Variants in OPCML observed in about 807,000 individuals in gnomAD.
OPCML encodes opioid binding protein/cell adhesion molecule like, also known as opioid-binding protein/cell adhesion molecule.
Under a neutral mutation model 37.8 loss-of-function variants are expected in OPCML, and 13 were observed. That is an observed-to-expected ratio of 0.34 (90% confidence interval 0.22 to 0.55). The LOEUF is 0.55. OPCML is among the 20% of genes least tolerant of loss of function. The pLI is 0.91. For synonymous variants in OPCML, 176 were observed against 168.8 expected (o/e 1.04, Z -0.33); for missense variants, 341 against 435.6 (o/e 0.78, Z 1.93).
intron 1 of OPCML, among the ~76,000 whole-genome samples, chr11:133,220,942 C>T (rs575819383): frequency 3.3e-4 from 51 of 152,268 alleles, no homozygotes; most frequent in African/African-American, 1.1e-3. Context: ...CGAAATTGGA[C>T]GGAACTAATC....
At chr11:132,798,758 C>T (rs978812877) in intron 2 of OPCML, among the ~76,000 whole-genome samples, 1 of 152,224 alleles carries the variant, frequency 6.6e-6, no homozygotes, top group African/African-American at 2.4e-5. Context: ...TACTTTGCCA[C>T]ATTCATCAGA....
chr11:132,619,990 A>G (rs956089676), intron 3 of OPCML, among the ~76,000 whole-genome samples: 1 of 152,190 alleles, frequency 6.6e-6, no homozygotes, highest in African/African-American at 2.4e-5. Context: ...TAAAAAACTC[A>G]GTGAAATTTT....
chr11:132,476,860 A>T (rs991547583), intron 4 of OPCML, among the ~76,000 whole-genome samples: 3 of 152,042 alleles, frequency 2.0e-5, no homozygotes, highest in Non-Finnish European at 2.9e-5. Context: ...ATTAAAAAAA[A>T]TTAAAAAAAG....
chr11:133,385,650 A>G (rs1945029330), intron 1 of OPCML, among the ~76,000 whole-genome samples: 1 of 151,984 alleles, frequency 6.6e-6, no homozygotes, highest in Non-Finnish European at 1.5e-5. Context: ...CTGACTGATG[A>G]GGAAGCTGAA....
intron 3 of OPCML, among the ~76,000 whole-genome samples, chr11:132,537,482 A>T (rs2096343876): frequency 6.6e-6 from 1 of 152,212 alleles, no homozygotes; most frequent in Admixed American, 6.5e-5. Context: ...TAAAACTTAG[A>T]AGAAAACACA....
chr11:133,086,558 T>C (rs549901868), intron 1 of OPCML, among the ~76,000 whole-genome samples: 17 of 152,316 alleles, frequency 1.1e-4, no homozygotes, highest in South Asian at 1.0e-3. Flanking sequence ...CAGATAAAGA[T>C]TGAATATATT....
chr11:132,741,519 A>G (rs1265844168), intron 2 of OPCML, among the ~76,000 whole-genome samples: 10 of 152,164 alleles, frequency 6.6e-5, no homozygotes, highest in Admixed American at 5.9e-4. Flanking sequence ...AACCACTGAG[A>G]ATTGTTATGA....
intron 1 of OPCML, among the ~76,000 whole-genome samples, chr11:133,516,677 T>TGGTGCAGAGCC (rs959730784): frequency 6.6e-6 from 1 of 152,072 alleles, no homozygotes; most frequent in Non-Finnish European, 1.5e-5. Flanking sequence ...AGATGGTCCC[T>TGGTGCAGAGCC]GGTGCAGAGC....
At chr11:132,460,021 G>A (rs74966345) in intron 4 of OPCML, among the ~76,000 whole-genome samples, 7,028 of 152,206 alleles carry the variant, frequency 0.046, 485 homozygotes, top group African/African-American at 0.15. Flanking sequence ...GTGCTGTTGT[G>A]GGGGTGGGAT....
chr11:133,376,891 G>C (rs1414424346), intron 1 of OPCML, among the ~76,000 whole-genome samples: 1 of 152,158 alleles, frequency 6.6e-6, no homozygotes, highest in Non-Finnish European at 1.5e-5. Flanking sequence ...GTGTAACCCA[G>C]TACAGGATTC....
chr11:133,006,889 C>G (rs1038253518), intron 1 of OPCML: 1 of 985,342 alleles, frequency 1.0e-6, no homozygotes, highest in African/African-American at 1.7e-5. Flanking sequence ...CATGCTATAC[C>G]TGTCATGGGG....
At chr11:133,001,384 A>T (rs1183852102) in intron 1 of OPCML, among the ~76,000 whole-genome samples, 1 of 152,212 alleles carries the variant, frequency 6.6e-6, no homozygotes, top group Non-Finnish European at 1.5e-5. Context: ...CTGGTTTTTA[A>T]GCTAAACTGA....
At chr11:132,584,430 T>C (rs2096468275) in intron 3 of OPCML, among the ~76,000 whole-genome samples, 1 of 152,242 alleles carries the variant, frequency 6.6e-6, no homozygotes, top group Non-Finnish European at 1.5e-5. Flanking sequence ...CAATTATTCC[T>C]TCATTTGCAC....
intron 3 of OPCML, among the ~76,000 whole-genome samples, chr11:132,619,315 C>A (rs962509245): frequency 6.6e-6 from 1 of 152,168 alleles, no homozygotes; most frequent in East Asian, 1.9e-4. Context: ...CTTCCTAATT[C>A]TGTAATAGAA....
At chr11:132,836,520 G>A (rs926789761) in intron 2 of OPCML, among the ~76,000 whole-genome samples, 4 of 152,176 alleles carry the variant, frequency 2.6e-5, no homozygotes, top group African/African-American at 4.8e-5. Context: ...TAGGGGAACC[G>A]CTGGTGTTAC....
At chr11:133,293,219 G>A (rs1389742331) in intron 1 of OPCML, among the ~76,000 whole-genome samples, 3 of 151,340 alleles carry the variant, frequency 2.0e-5, no homozygotes, top group Non-Finnish European at 4.4e-5. Context: ...GGACAGTCAC[G>A]GCACCCCACG....
At chr11:132,747,532 A>T (rs971636363) in intron 2 of OPCML, among the ~76,000 whole-genome samples, 3 of 152,176 alleles carry the variant, frequency 2.0e-5, no homozygotes, top group Non-Finnish European at 4.4e-5. Flanking sequence ...TGGAGGAATC[A>T]CTTCCAGTAC....
chr11:132,661,279 A>G (rs1941966504), intron 2 of OPCML, among the ~76,000 whole-genome samples: 1 of 152,238 alleles, frequency 6.6e-6, no homozygotes, highest in African/African-American at 2.4e-5. Flanking sequence ...ATGGGCAAAG[A>G]TGGTTCACAA....
At chr11:132,670,215 G>A (rs1049764934) in intron 2 of OPCML, among the ~76,000 whole-genome samples, 3 of 152,148 alleles carry the variant, frequency 2.0e-5, no homozygotes, top group Admixed American at 1.3e-4. Flanking sequence ...TAAATTAAAA[G>A]CAGAGAGTCT....
Sources: allele counts gnomAD v4.1 joint callset (sites outside exome capture counted in the v4.1 genomes callset), GRCh38; gene constraint gnomAD v4.1.1; transcripts MANE v1.5; gene names NCBI Gene and HGNC (gene_info 2026-07-23, HGNC 2026-07-21).